Variants in L3MBTL3 observed in about 807,000 individuals in gnomAD.
L3MBTL3 encodes L3MBTL histone methyl-lysine binding protein 3.
In L3MBTL3, 27 loss-of-function variants were observed where a neutral mutation model predicts 102.3. The observed-to-expected ratio is 0.26, with a 90% CI of 0.19 to 0.36. The LOEUF (loss-of-function observed/expected upper bound fraction) is 0.36, where lower values mean the gene tolerates loss of function less well. Among genes scored for constraint, L3MBTL3 ranks in the 10% least tolerant of loss-of-function variants. L3MBTL3 has a pLI of 1.00. For synonymous variants in L3MBTL3, 340 were observed against 320.9 expected, an observed-to-expected ratio of 1.06 and a Z score of -0.64; for missense variants, 798 against 955.3, an observed-to-expected ratio of 0.84 and a Z score of 2.17.
chr6:130,102,101 GA>G (rs138591198), intron 18 of L3MBTL3, among the ~76,000 whole-genome samples: 10,618 of 146,206 alleles, frequency 0.073, 510 homozygotes, highest in Admixed American at 0.15. Context: ...ATCTCAGGGG[GA>G]AAAAAAAAAG....
chr6:130,050,460 C>G (rs1395018958), intron 5 of L3MBTL3, among the ~76,000 whole-genome samples: 2 of 152,184 alleles, frequency 1.3e-5, no homozygotes, highest in Non-Finnish European at 2.9e-5. Flanking sequence ...TGGTAAATTC[C>G]TCTTTGGCCT....
intron 15 of L3MBTL3, among the ~76,000 whole-genome samples, chr6:130,085,454 A>G (rs1471433099): frequency 6.6e-6 from 1 of 152,166 alleles, no homozygotes; most frequent in Non-Finnish European, 1.5e-5. Context: ...AATAAATTTT[A>G]TGCTTGTTGA....
chr6:130,074,926 CT>C (rs1562288956), intron 13 of L3MBTL3, among the ~76,000 whole-genome samples: 2 of 151,540 alleles, frequency 1.3e-5, no homozygotes, highest in Admixed American at 1.3e-4. Context: ...GTAGTGTAAA[CT>C]TTTTTTTTAG....
intron 19 of L3MBTL3, among the ~76,000 whole-genome samples, chr6:130,106,647 G>T (rs1784994118): frequency 6.6e-6 from 1 of 152,136 alleles, no homozygotes; most frequent in South Asian, 2.1e-4. Context: ...TAGGAAGTTT[G>T]ATTACCATTG....
rs550026106 is a variant in L3MBTL3, at chr6:130,023,949, G to A, written c.-16+1644G>A. On this transcript the variant is annotated intron_variant, in intron 2 of 22. Coordinates refer to ENST00000361794, the MANE Select transcript of L3MBTL3 (RefSeq NM_032438.4). ...AAGAGACCATGCTCTAACATGGTGC[G>A]GAATACAAAACCGGAAATTTATTTA... Among the ~76,000 whole-genome samples the A allele has an allele frequency of 4.6e-5, 7 of 152,148 alleles. No homozygotes were observed. The South Asian group carries it at 1.0e-3, about 23-fold the overall frequency.
chr6:130,137,855 TC>T (rs1033708824), intron 22 of L3MBTL3: 9 of 152,384 alleles, frequency 5.9e-5, no homozygotes, highest in East Asian at 1.9e-4. Context: ...CTGCCTTTCT[TC>T]CTGACCTTGC....
At position 130,139,917 on chromosome 6, in the gene L3MBTL3, T is replaced by C. The variant is rs999970179; in HGVS notation, c.*164T>C. 9.6e-6 allele frequency: 6 copies of C among 626,848 alleles called. No individual in the cohort carries two copies. Among genetic ancestry groups the C allele is most frequent in the African/African-American group, 7.5e-5 (4 of 53,234 alleles). The allele number at this position is 626,848 out of a possible 1,614,324, so 38.8% of individuals were successfully genotyped here. ...AAGAGACAATATATATGAATTCTTA[T>C]GAAAGTGCTTGAGCTTTTAACCAGG... On this transcript the variant is annotated 3_prime_UTR_variant, in exon 23 of 23. Transcript: ENST00000361794.
intron 18 of L3MBTL3, among the ~76,000 whole-genome samples, chr6:130,100,841 T>C (rs1255962188): frequency 1.3e-5 from 2 of 152,136 alleles, no homozygotes; most frequent in African/African-American, 2.4e-5. Context: ...TAGTGCTAAA[T>C]TGGGGACCCA....
intron 2 of L3MBTL3, among the ~76,000 whole-genome samples, chr6:130,022,694 TG>T (rs1779088921): frequency 6.6e-6 from 1 of 152,180 alleles, no homozygotes; most frequent in African/African-American, 2.4e-5. Context: ...CTAAATGTCT[TG>T]GGGGGCCAGT....
chr6:130,041,233 A>T (rs1401725059), intron 2 of L3MBTL3, among the ~76,000 whole-genome samples: 2 of 152,304 alleles, frequency 1.3e-5, no homozygotes, highest in African/African-American at 2.4e-5. Flanking sequence ...CTATAAATAG[A>T]CTTGATCAGA....
rs942606053 is a variant in L3MBTL3, at chr6:130,139,815, C to G, written c.*62C>G. The G allele has an allele frequency of 6.6e-7, 1 of 1,517,506 alleles. No individual in the cohort carries two copies. The highest frequency in any genetic ancestry group is 1.4e-5 in the African/African-American group (1 of 72,994). 94.0% of individuals were successfully genotyped at this position (1,517,506 alleles called of 1,614,324 possible). ...TAAAGCTCATGTTTTATTCAAAGCA[C>G]AAGGACGGTTATAACTCCTAAGTGA... On this transcript the variant is annotated 3_prime_UTR_variant, in exon 23 of 23. Coordinates refer to ENST00000361794, the MANE Select transcript of L3MBTL3 (RefSeq NM_032438.4).
intron 1 of L3MBTL3, among the ~76,000 whole-genome samples, chr6:130,021,673 G>A (rs1273378114): frequency 1.3e-5 from 2 of 152,192 alleles, no homozygotes; most frequent in Non-Finnish European, 2.9e-5. Context: ...TTTTATATGA[G>A]CTGTTCATTT....
chr6:130,132,458 G>C (rs1787155446), intron 20 of L3MBTL3, among the ~76,000 whole-genome samples: 1 of 152,144 alleles, frequency 6.6e-6, no homozygotes, highest in Non-Finnish European at 1.5e-5. Context: ...AGTGATTTCT[G>C]TGTCTTTCTG....
At chr6:130,126,846 G>A (rs542969196) in intron 20 of L3MBTL3, among the ~76,000 whole-genome samples, 17 of 152,298 alleles carry the variant, frequency 1.1e-4, no homozygotes, top group African/African-American at 4.1e-4. Context: ...ATGTATTAAT[G>A]TGCATAAACG....
chr6:130,125,398 A>G (rs1411503500), intron 20 of L3MBTL3, among the ~76,000 whole-genome samples: 1 of 151,956 alleles, frequency 6.6e-6, no homozygotes, highest in Non-Finnish European at 1.5e-5. Context: ...CCCCTTGTGC[A>G]TTGCTAACGT....
At chr6:130,084,719 A>G (rs1027344715) in intron 15 of L3MBTL3, among the ~76,000 whole-genome samples, 3 of 152,258 alleles carry the variant, frequency 2.0e-5, no homozygotes, top group Non-Finnish European at 4.4e-5. Context: ...AGATCAGCCT[A>G]CATGTCTACT....
chr6:130,101,572 T>TG (rs1228082802), intron 18 of L3MBTL3, among the ~76,000 whole-genome samples: 2 of 152,092 alleles, frequency 1.3e-5, no homozygotes, highest in Non-Finnish European at 2.9e-5. Flanking sequence ...GGTCAGACCT[T>TG]GCGATTGCAG....
chr6:130,071,423 A>C (rs1344725593), intron 13 of L3MBTL3, among the ~76,000 whole-genome samples: 1 of 152,150 alleles, frequency 6.6e-6, no homozygotes, highest in Admixed American at 6.5e-5. Flanking sequence ...TCTTATTTTC[A>C]TGCCCACCAG....
chr6:130,034,552 G>C (rs1483197345), intron 2 of L3MBTL3, among the ~76,000 whole-genome samples: 2 of 152,176 alleles, frequency 1.3e-5, no homozygotes, highest in Admixed American at 6.5e-5. Flanking sequence ...TAATTTATCT[G>C]AAACTTCTGT....
Sources: allele counts gnomAD v4.1 joint callset (sites outside exome capture counted in the v4.1 genomes callset), GRCh38; gene constraint gnomAD v4.1.1; transcripts MANE v1.5; gene names NCBI Gene and HGNC (gene_info 2026-07-23, HGNC 2026-07-21).